The following KCNAB1 variants were observed in gnomAD, a reference collection of about 807,000 sequenced individuals.
KCNAB1 encodes the protein potassium voltage-gated channel subfamily A regulatory beta subunit 1, also known as voltage-gated potassium channel subunit beta-1.
A neutral mutation model predicts 64.6 loss-of-function variants in KCNAB1; 35 were observed. The ratio of observed to expected loss-of-function variants is 0.54; its 90% CI spans 0.41 to 0.72. KCNAB1 has a LOEUF of 0.72. Among genes scored for constraint, KCNAB1 ranks in the 30% least tolerant of loss-of-function variants. The pLI, the probability that KCNAB1 is intolerant of heterozygous loss-of-function variation, is 0.00. For synonymous variants in KCNAB1, 177 were observed against 183.8 expected, an observed-to-expected ratio of 0.96 and a Z score of 0.30; for missense variants, 401 against 512.9, an observed-to-expected ratio of 0.78 and a Z score of 2.11.
chr3:156,387,014 C>CTT (rs1194708289), intron 1 of KCNAB1, among the ~76,000 whole-genome samples: 275 of 90,380 alleles, frequency 3.0e-3, no homozygotes, highest in Middle Eastern at 6.4e-3. Context: ...TTCTCTCTCT[C>CTT]TTTTTTTTTT....
In KCNAB1 at chr3:156,515,147, T is replaced by C; in HGVS notation, c.792T>C (p.Cys264=). ...AGTTCAATATGATCCCACCGGTCTG[T>C]GAACAAGCTGAGTACCATCTTTTCC... is the stretch of plus-strand genomic sequence containing the variant. The part of the protein sequence containing the change: ...ARQFNMIPPV[C]EQAEYHLFQR... Residue 264 remains cysteine, a synonymous_variant, in exon 10 of 14, where the codon TGT becomes TGC. Transcript: ENST00000490337. 6.2e-7 allele frequency: 1 copy of C among 1,613,560 alleles called. No individual in the cohort carries two copies. The highest frequency in any genetic ancestry group is 1.1e-5 in the South Asian group (1 of 91,036).
At chr3:156,158,195 TAAATAAATA>T (rs1157811123) in intron 1 of KCNAB1, among the ~76,000 whole-genome samples, 5 of 126,136 alleles carry the variant, frequency 4.0e-5, no homozygotes, top group African/African-American at 1.4e-4. Flanking sequence ...AATAAATAAA[TAAATAAATA>T]AATAAATAAA....
chr3:156,248,210 G>C (rs1717582129), intron 1 of KCNAB1, among the ~76,000 whole-genome samples: 1 of 152,154 alleles, frequency 6.6e-6, no homozygotes, highest in South Asian at 2.1e-4. Flanking sequence ...AGAGTTTTGA[G>C]CTTTTGTGAT....
rs114224915 is a variant in KCNAB1 at position 156,323,799 on chromosome 3, G to A, written c.276-97817G>A. 7.8e-3 allele frequency among the ~76,000 whole-genome samples: 1,184 copies of A among 152,142 alleles called. 10 individuals are homozygous for A. The highest frequency in any genetic ancestry group is 0.027 in the African/African-American group (1,128 of 41,494). ...AATCTTTCCATCTTTTATACTATCC[G>A]GAATTTGCATTTCTAGTGTAAAGCT... On this transcript the variant is annotated intron_variant, in intron 1 of 13. Transcript: ENST00000490337.
intron 2 of KCNAB1, among the ~76,000 whole-genome samples, chr3:156,438,209 A>G (rs750699689): frequency 7.9e-5 from 12 of 152,144 alleles, no homozygotes; most frequent in Non-Finnish European, 1.5e-4. Context: ...TTGCTCATCC[A>G]ATGACTGAGT....
intron 1 of KCNAB1, among the ~76,000 whole-genome samples, chr3:156,368,655 A>G (rs2108122171): frequency 6.6e-6 from 1 of 152,360 alleles, no homozygotes; most frequent in Admixed American, 6.5e-5. Flanking sequence ...ATATAACTCC[A>G]ACTCTGACAT....
At chr3:156,488,717 T>C (rs1715402501) in intron 8 of KCNAB1, among the ~76,000 whole-genome samples, 1 of 152,088 alleles carries the variant, frequency 6.6e-6, no homozygotes, top group Non-Finnish European at 1.5e-5. Flanking sequence ...GTCCTAAGCA[T>C]TCCCTCCTTG....
intron 1 of KCNAB1, among the ~76,000 whole-genome samples, chr3:156,323,710 C>CA: frequency 6.6e-6 from 1 of 152,252 alleles, no homozygotes; most frequent in Non-Finnish European, 1.5e-5. Context: ...TGGCATGTGG[C>CA]AACCCCATAT....
Position 156,174,229 on chromosome 3 carries a change from A to G in KCNAB1, c.275+53343A>G, listed in dbSNP as rs561544312. On this transcript the variant is annotated intron_variant, in intron 1 of 13. Coordinates refer to ENST00000490337, the MANE Select transcript of KCNAB1 (RefSeq NM_172160.3). ...AGCCTTCTTATCTCCAGTTTTACTC[A>G]AAATAATTTTAGGAATTAAATACTT... 2.0e-5 allele frequency among the ~76,000 whole-genome samples: 3 copies of G among 152,350 alleles called. No homozygotes were observed. The South Asian group carries it at 6.2e-4, about 32-fold the overall frequency.
intron 1 of KCNAB1, among the ~76,000 whole-genome samples, chr3:156,203,128 TCCCA>T (rs1187571623): frequency 6.6e-6 from 1 of 152,236 alleles, no homozygotes; most frequent in Non-Finnish European, 1.5e-5. Flanking sequence ...GACAAATTAT[TCCCA>T]TCATTTGCTT....
intron 1 of KCNAB1, among the ~76,000 whole-genome samples, chr3:156,421,413 G>A (rs1715456505): frequency 6.6e-6 from 1 of 152,212 alleles, no homozygotes; most frequent in South Asian, 2.1e-4. Flanking sequence ...TTTCTGTGCT[G>A]CGCCTGAACA....
chr3:156,177,409 C>T lies in KCNAB1; in HGVS notation c.275+56523C>T, dbSNP rs185834382. On this transcript the variant is annotated intron_variant, in intron 1 of 13. Transcript: ENST00000490337. Reference sequence around the variant, plus strand: ...TTTATTTATTTGAGAGGGAGTCTCTCTCTGTCGCCGAGGCTGGAGTGCAGC... The same window carrying T: ...TTTATTTATTTGAGAGGGAGTCTCTTTCTGTCGCCGAGGCTGGAGTGCAGC... Among the ~76,000 whole-genome samples, 313 of 152,320 alleles carry T rather than the reference C, an allele frequency of 2.1e-3. 1 individual carries two copies. The highest frequency in any genetic ancestry group is 7.0e-3 in the African/African-American group (292 of 41,564).
At chr3:156,472,913 C>T (rs1186953645) in intron 7 of KCNAB1, among the ~76,000 whole-genome samples, 1 of 152,132 alleles carries the variant, frequency 6.6e-6, no homozygotes, top group Non-Finnish European at 1.5e-5. Context: ...CTGTGACATG[C>T]CTGATCACAC....
chr3:156,435,484 CA>C (rs1333023668), intron 2 of KCNAB1, among the ~76,000 whole-genome samples: 1 of 152,150 alleles, frequency 6.6e-6, no homozygotes, highest in African/African-American at 2.4e-5. Context: ...AGGTGATGAG[CA>C]GCCAGATAGT....
chr3:156,349,454 A>G (rs566307352), intron 1 of KCNAB1, among the ~76,000 whole-genome samples: 3 of 152,316 alleles, frequency 2.0e-5, no homozygotes, highest in African/African-American at 7.2e-5. Context: ...ATCAATAGCA[A>G]TGAGGCAATA....
At chr3:156,457,646 C>A in intron 4 of KCNAB1, 114 bp downstream of exon 4, 1 of 884,846 alleles carries the variant, frequency 1.1e-6, no homozygotes, top group Non-Finnish European at 1.9e-6. Flanking sequence ...CACGTGTTGG[C>A]AGCTCTGCTC....
intron 1 of KCNAB1, among the ~76,000 whole-genome samples, chr3:156,365,612 C>T (rs762305667): frequency 3.3e-5 from 5 of 152,138 alleles, no homozygotes; most frequent in African/African-American, 1.2e-4. Context: ...TTTACCTTTG[C>T]GTCTAGGCTC....
rs762881758 is a variant in KCNAB1, at chr3:156,120,734, C to T, written c.123C>T (p.Asn41=). 3.1e-6 allele frequency: 5 copies of T among 1,614,220 alleles called. No individual in the cohort carries two copies. The highest frequency in any genetic ancestry group is 2.2e-5 in the East Asian group (1 of 44,886). Residue 41 remains asparagine, a synonymous_variant, in exon 1 of 14, where the codon AAC becomes AAT. Coordinates refer to ENST00000490337, the MANE Select transcript of KCNAB1 (RefSeq NM_172160.3). ...KDKSPKKASE[N]AKDSSLSPSG... ...AATCTCCCAAGAAAGCCTCAGAAAA[C>T]GCTAAAGACAGCAGCCTTAGTCCCT...
rs926006072 is a variant in KCNAB1 at position 156,176,646 on chromosome 3, G to A, written c.275+55760G>A. 10 of 1,035,368 alleles carry A rather than the reference G, an allele frequency of 9.7e-6. No homozygotes were observed. The African/African-American group carries it at 1.3e-4, about 13-fold the overall frequency. 64.1% of individuals were successfully genotyped at this position (1,035,368 alleles called of 1,614,324 possible). ...TAGACATTCCACAACAATATCAGTCGGTCAAATCCTGCAGATGCTAAGGTG... is the reference window on the plus strand; with the variant it reads ...TAGACATTCCACAACAATATCAGTCAGTCAAATCCTGCAGATGCTAAGGTG... On this transcript the variant is annotated intron_variant, in intron 1 of 13. Coordinates refer to ENST00000490337, the MANE Select transcript of KCNAB1 (RefSeq NM_172160.3).
Sources: allele counts gnomAD v4.1 joint callset (sites outside exome capture counted in the v4.1 genomes callset), GRCh38; gene constraint gnomAD v4.1.1; transcripts MANE v1.5; gene names NCBI Gene and HGNC (gene_info 2026-07-23, HGNC 2026-07-21).